NBEA: variants seen among roughly 807,000 people sequenced by gnomAD.
NBEA encodes neurobeachin.
A neutral mutation model predicts 343.4 loss-of-function variants in NBEA; 44 were observed. The observed-to-expected ratio is 0.13, with a 90% CI of 0.10 to 0.16. The LOEUF is 0.16. Ranked by LOEUF, NBEA falls within the 10% of genes least tolerant of loss-of-function variation. NBEA has a pLI of 1.00. For synonymous variants in NBEA, 1,175 were observed against 1,238.7 expected, an observed-to-expected ratio of 0.95 and a Z score of 1.08; for missense variants, 2,555 against 3,631.3, an observed-to-expected ratio of 0.70 and a Z score of 7.62.
intron 38 of NBEA, among the ~76,000 whole-genome samples, chr13:35,370,191 T>C (rs757542183): frequency 5.9e-5 from 9 of 151,974 alleles, no homozygotes; most frequent in Non-Finnish European, 1.0e-4. Context: ...AATTTAATAA[T>C]AGTTGCTTTA....
At chr13:35,181,257 C>T (rs571202422) in intron 28 of NBEA, among the ~76,000 whole-genome samples, 40 of 151,964 alleles carry the variant, frequency 2.6e-4, no homozygotes, top group Admixed American at 9.2e-4. Flanking sequence ...CTGTTTTCCA[C>T]GGTGGTTGTA....
At chr13:35,428,842 T>C (rs1301725162) in intron 38 of NBEA, among the ~76,000 whole-genome samples, 2 of 152,244 alleles carry the variant, frequency 1.3e-5, no homozygotes, top group South Asian at 2.1e-4. Context: ...TTAAACCTTC[T>C]ATTTAGACTT....
intron 1 of NBEA, among the ~76,000 whole-genome samples, chr13:35,014,443 A>G (rs2152536155): frequency 6.6e-6 from 1 of 152,292 alleles, no homozygotes; most frequent in African/African-American, 2.4e-5. Context: ...TTATTGTACT[A>G]CTTTGGCATC....
intron 40 of NBEA, among the ~76,000 whole-genome samples, chr13:35,466,267 A>G (rs1457875581): frequency 6.6e-6 from 1 of 152,212 alleles, no homozygotes; most frequent in Non-Finnish European, 1.5e-5. Context: ...GAAGTCACCT[A>G]GCAGCATCAA....
intron 1 of NBEA, among the ~76,000 whole-genome samples, chr13:34,969,898 TTG>T (rs528450135): frequency 1.2e-3 from 189 of 152,286 alleles, no homozygotes; most frequent in African/African-American, 4.3e-3. Flanking sequence ...GTATATTCCT[TTG>T]GGTATATACC....
At chr13:35,595,920 G>A (rs1280780436) in intron 47 of NBEA, among the ~76,000 whole-genome samples, 1 of 151,914 alleles carries the variant, frequency 6.6e-6, no homozygotes, top group Non-Finnish European at 1.5e-5. Flanking sequence ...CATTTTTCAT[G>A]TACTTATTGA....
intron 6 of NBEA, among the ~76,000 whole-genome samples, chr13:35,051,212 G>C (rs1301338661): frequency 6.6e-6 from 1 of 151,854 alleles, no homozygotes; most frequent in African/African-American, 2.4e-5. Flanking sequence ...CAGGTTCAGG[G>C]TTCTTTCTTG....
chr13:35,439,534 G>A (rs1179989837), intron 39 of NBEA, among the ~76,000 whole-genome samples: 2 of 152,136 alleles, frequency 1.3e-5, no homozygotes, highest in Non-Finnish European at 2.9e-5. Flanking sequence ...TTGATGACAA[G>A]TCACTTCATA....
rs1356215356 is a variant in NBEA at position 35,155,792 on chromosome 13, T to G, written c.2464T>G (p.Cys822Gly). The G allele has an allele frequency of 6.2e-7, 1 of 1,610,048 alleles. No homozygotes were observed. The highest frequency in any genetic ancestry group is 2.2e-5 in the East Asian group (1 of 44,808). The change falls in exon 19 of 59, where the codon TGT (cysteine) becomes GGT (glycine). Residue 822 changes from cysteine to glycine, a missense_variant. Cys to Gly is a radical substitution (Grantham distance 159, BLOSUM62 -3). Transcript: ENST00000379939. The part of the protein sequence containing the change: ...TLYEILTEQV[C>G]TQVVHKPHPE... The stretch of plus-strand genomic sequence containing the variant: ...TTTTCAGATCTTGACAGAACAAGTA[T>G]GTACTCAGGTCGTACACAAACCACA...
chr13:35,638,818 A>T (rs1471901062), intron 49 of NBEA, among the ~76,000 whole-genome samples: 1 of 152,200 alleles, frequency 6.6e-6, no homozygotes, highest in East Asian at 1.9e-4. Context: ...TTCTGGATGG[A>T]GCATTTTCTC....
chr13:35,366,599 T>C (rs1019701171), intron 38 of NBEA, among the ~76,000 whole-genome samples: 4 of 150,448 alleles, frequency 2.7e-5, no homozygotes, highest in Non-Finnish European at 5.9e-5. Context: ...GTTAATTTTC[T>C]CTAGTTCATT....
chr13:35,259,457 A>C (rs1461979190), intron 34 of NBEA, among the ~76,000 whole-genome samples: 1 of 152,178 alleles, frequency 6.6e-6, no homozygotes, highest in East Asian at 1.9e-4. Flanking sequence ...TGTTTAAAGA[A>C]AATGGTCACT....
intron 38 of NBEA, among the ~76,000 whole-genome samples, chr13:35,394,831 G>T (rs980374389): frequency 1.3e-5 from 2 of 151,508 alleles, no homozygotes; most frequent in Non-Finnish European, 2.9e-5. Context: ...CTAATTTTTT[G>T]AGGTACAAGC....
chr13:35,283,177 C>G (rs1247078142), intron 34 of NBEA, among the ~76,000 whole-genome samples: 1 of 151,970 alleles, frequency 6.6e-6, no homozygotes, highest in South Asian at 2.1e-4. Context: ...AACTTCAATT[C>G]TGGCATTATG....
chr13:35,120,447 A>G (rs937868184), intron 16 of NBEA, among the ~76,000 whole-genome samples: 1 of 152,196 alleles, frequency 6.6e-6, no homozygotes, highest in Non-Finnish European at 1.5e-5. Context: ...TCAGAATAGT[A>G]TAAAAGATGA....
chr13:35,402,885 G>A (rs1313707787), intron 38 of NBEA, among the ~76,000 whole-genome samples: 1 of 151,792 alleles, frequency 6.6e-6, no homozygotes, highest in African/African-American at 2.4e-5. Context: ...TTCCTTTTTG[G>A]GCTAAAAGTG....
intron 48 of NBEA, among the ~76,000 whole-genome samples, chr13:35,623,517 C>T (rs925205195): frequency 3.9e-5 from 6 of 152,018 alleles, no homozygotes; most frequent in African/African-American, 1.4e-4. Context: ...CTCATTGTTC[C>T]TTTGCCATTT....
intron 10 of NBEA, among the ~76,000 whole-genome samples, chr13:35,074,703 G>A (rs990963711): frequency 6.6e-5 from 10 of 152,146 alleles, no homozygotes; most frequent in Non-Finnish European, 1.5e-4. Flanking sequence ...ATTTTATTGT[G>A]TATGTTTAAG....
chr13:35,098,156 T>A, intron 10 of NBEA, 141 bp from the exon 11 acceptor site: 1 of 518,834 alleles, frequency 1.9e-6, no homozygotes. Flanking sequence ...TTTCATAATA[T>A]AAGGCATAAT....
Sources: allele counts gnomAD v4.1 joint callset (sites outside exome capture counted in the v4.1 genomes callset), GRCh38; gene constraint gnomAD v4.1.1; transcripts MANE v1.5; gene names NCBI Gene and HGNC (gene_info 2026-07-23, HGNC 2026-07-21).